The following SUN3 variants were observed in gnomAD, a reference collection of about 807,000 sequenced individuals.
SUN3 encodes the protein Sad1 and UNC84 domain containing 3.
SUN3 carries 36 observed loss-of-function variants against 48.2 expected under a neutral mutation model. The ratio of observed to expected loss-of-function variants is 0.75; its 90% confidence interval spans 0.57 to 0.99. SUN3 has a LOEUF of 0.99. Ranked by LOEUF, SUN3 falls within the 50% of genes least tolerant of loss-of-function variation. SUN3 has a pLI of 0.00. For synonymous variants in SUN3, 148 were observed against 147.9 expected (o/e 1.00, Z 0.00); for missense variants, 419 against 433.1 (o/e 0.97, Z 0.29).
At chr7:48,022,988 G>A (rs1446021103) in intron 2 of SUN3, among the ~76,000 whole-genome samples, 2 of 152,074 alleles carry the variant, frequency 1.3e-5, no homozygotes, top group Non-Finnish European at 2.9e-5. Context: ...GACTAGACCA[G>A]CCCTTCAGGA....
chr7:47,998,559 G>A (rs556536339), intron 6 of SUN3, among the ~76,000 whole-genome samples: 51 of 151,992 alleles, frequency 3.4e-4, no homozygotes, highest in Middle Eastern at 3.4e-3. Flanking sequence ...TAATTTTGTT[G>A]AAGCCCATAT....
chr7:48,005,295 T>C (rs78318342), intron 6 of SUN3, among the ~76,000 whole-genome samples: 4,156 of 152,276 alleles, frequency 0.027, 190 homozygotes, highest in African/African-American at 0.094. Flanking sequence ...GAAAAACACA[T>C]GCTCACAAGA....
At chr7:48,035,529 C>G in the SUN3 span, 1 of 697,584 alleles carries the variant, frequency 1.4e-6, no homozygotes, top group Non-Finnish European at 2.6e-6. This position sits in a 1 kb window ranked among gnomAD's most constrained non-coding sequence, Gnocchi z 4.0. Flanking sequence ...GGTTCCGCGG[C>G]GCGCTGGGAG....
At chr7:48,003,471 G>A (rs1397816140) in intron 6 of SUN3, among the ~76,000 whole-genome samples, 2 of 152,176 alleles carry the variant, frequency 1.3e-5, no homozygotes, top group East Asian at 1.9e-4. Context: ...AATAAGAATA[G>A]CATTGGATCT....
chr7:47,987,477 C>A, intron 9 of SUN3, 28 bp from the exon 10 acceptor site: 1 of 1,501,752 alleles, frequency 6.7e-7, no homozygotes, highest in Non-Finnish European at 8.9e-7. Context: ...AAAATCAATG[C>A]CTTATAACGA....
the SUN3 span, chr7:48,035,390 C>T: frequency 4.9e-6 from 3 of 617,266 alleles, no homozygotes; most frequent in Admixed American, 2.5e-5. This position sits in a 1 kb window ranked among gnomAD's most constrained non-coding sequence, Gnocchi z 4.0. Flanking sequence ...TGACAGGCGG[C>T]GCCCGCGCTC....
At chr7:47,999,088 T>C (rs1415591590) in intron 6 of SUN3, among the ~76,000 whole-genome samples, 2 of 152,224 alleles carry the variant, frequency 1.3e-5, no homozygotes, top group Admixed American at 6.5e-5. Flanking sequence ...AGTTGGACAG[T>C]ATTGTCATCT....
At position 47,996,098 on chromosome 7, in the gene SUN3, T is replaced by A. The variant is rs1300579175; in HGVS notation, c.626A>T (p.Lys209Ile). Residue 209 changes from lysine to isoleucine, a missense_variant, in exon 7 of 10, where the codon AAA (lysine) becomes ATA (isoleucine). By Grantham distance (102) the Lys-to-Ile change is moderately radical. Transcript: ENST00000297325. ...TATCCCATGCCAGTACAATTTTGCT[T>A]TATTATTTTTATAACTTTCTGAGGT... ...AGTSESYKNN[K>I]AKLYWHGIGF... 2 of 1,596,208 alleles carry A rather than the reference T, an allele frequency of 1.3e-6. No homozygotes were observed. Among genetic ancestry groups the A allele is most frequent in the Non-Finnish European group, 1.7e-6 (2 of 1,174,362 alleles).
chr7:48,032,881 T>C (rs1390355318), upstream of SUN3, among the ~76,000 whole-genome samples: 37 of 152,198 alleles, frequency 2.4e-4, 1 homozygote, highest in Admixed American at 2.4e-3. Flanking sequence ...TAAACTAGCT[T>C]CAGCCAACAA....
chr7:48,030,178 C>T (rs1184719236), upstream of SUN3, among the ~76,000 whole-genome samples: 2 of 152,044 alleles, frequency 1.3e-5, no homozygotes, highest in African/African-American at 2.4e-5. Context: ...TTTGTTTTTG[C>T]TTTTTTCTCT....
intron 8 of SUN3, among the ~76,000 whole-genome samples, chr7:47,989,602 A>G (rs1198052651): frequency 6.6e-6 from 1 of 152,210 alleles, no homozygotes; most frequent in Non-Finnish European, 1.5e-5. Context: ...TAAAAATATT[A>G]ATATCAAACT....
chr7:48,007,142 AC>A, intron 5 of SUN3, 22 bp downstream of exon 5: 1 of 1,600,134 alleles, frequency 6.2e-7, no homozygotes, highest in Non-Finnish European at 8.5e-7. Context: ...ACCCTGCCCA[AC>A]CCGCCTAGCC....
the SUN3 span, among the ~76,000 whole-genome samples, chr7:48,034,833 T>G: frequency 1.3e-5 from 2 of 152,146 alleles, no homozygotes; most frequent in Non-Finnish European, 2.9e-5. Context: ...ATAAATATGG[T>G]TAAGAGCTTT....
In SUN3 at chr7:48,021,824, A is replaced by C. The variant is rs754321197; in HGVS notation, c.184+4053T>G. Among the ~76,000 whole-genome samples, 3 of 152,128 alleles carry C rather than the reference A, an allele frequency of 2.0e-5. 1 individual carries two copies. The highest frequency in any genetic ancestry group is 4.1e-4 in the South Asian group (2 of 4,830). ...AGAACTCTCATACACTGTTGGTGGGAATGTAAATTAGTACAACCACTCTGC... is the reference window on the plus strand; with the variant it reads ...AGAACTCTCATACACTGTTGGTGGGCATGTAAATTAGTACAACCACTCTGC... On this transcript the variant is annotated intron_variant, in intron 2 of 9. Coordinates refer to ENST00000297325, the MANE Select transcript of SUN3 (RefSeq NM_001030019.2).
chr7:47,997,190 C>T (rs962555951), intron 6 of SUN3, among the ~76,000 whole-genome samples: 1 of 152,124 alleles, frequency 6.6e-6, no homozygotes, highest in African/African-American at 2.4e-5. Flanking sequence ...AAATAAAAGA[C>T]AGCCATTTAA....
At chr7:48,029,517 C>T (rs1790225799), upstream of SUN3, among the ~76,000 whole-genome samples, 1 of 152,132 alleles carries the variant, frequency 6.6e-6, no homozygotes, top group African/African-American at 2.4e-5. Flanking sequence ...TTATGCCACT[C>T]TAGGTTTTCT....
At chr7:48,000,155 GA>G (rs1474906079) in intron 6 of SUN3, 1 of 152,116 alleles carries the variant, frequency 6.6e-6, no homozygotes, top group African/African-American at 2.4e-5. Context: ...TTGTTGTTTT[GA>G]GATGGAGTTT....
At chr7:48,006,960 T>C (rs1391989496) in intron 5 of SUN3, among the ~76,000 whole-genome samples, 1 of 152,240 alleles carries the variant, frequency 6.6e-6, no homozygotes, top group Non-Finnish European at 1.5e-5. Context: ...AAGTAAGTCA[T>C]ATGCAATAGA....
upstream of SUN3, among the ~76,000 whole-genome samples, chr7:48,033,023 G>A (rs184700861): frequency 1.5e-3 from 228 of 152,302 alleles, no homozygotes; most frequent in African/African-American, 5.3e-3. Flanking sequence ...ATATCTACAA[G>A]TAAAGTGAAA....
Sources: allele counts gnomAD v4.1 joint callset (sites outside exome capture counted in the v4.1 genomes callset), GRCh38; gene constraint gnomAD v4.1.1; non-coding constraint Gnocchi (gnomAD v3.1); transcripts MANE v1.5; gene names NCBI Gene and HGNC (gene_info 2026-07-23, HGNC 2026-07-21).